Variants in UBAC2 observed in about 807,000 individuals in gnomAD.
UBAC2 encodes ubiquitin-associated domain-containing protein 2.
UBAC2 carries 26 observed loss-of-function variants against 44.0 expected under a neutral mutation model. The observed-to-expected ratio is 0.59, with a 90% CI of 0.43 to 0.82. The LOEUF (loss-of-function observed/expected upper bound fraction) is 0.82, where lower values mean the gene tolerates loss of function less well. Ranked by LOEUF, UBAC2 falls within the 40% of genes least tolerant of loss-of-function variation. The pLI, the probability that UBAC2 is intolerant of heterozygous loss-of-function variation, is 0.00. For synonymous variants in UBAC2, 155 were observed against 154.3 expected, an observed-to-expected ratio of 1.00 and a Z score of -0.04; for missense variants, 329 against 419.4, an observed-to-expected ratio of 0.78 and a Z score of 1.88.
intron 8 of UBAC2, 58 bp from the exon 9 acceptor site, chr13:99,385,170 C>T: frequency 1.6e-6 from 2 of 1,288,038 alleles, no homozygotes; most frequent in South Asian, 2.4e-5. Flanking sequence ...ACATTTGGGG[C>T]CCAGGGATAA....
In UBAC2 at chr13:99,385,716, A is replaced by C. The variant is rs969885071; in HGVS notation, c.*381A>C. 1 of 195,126 alleles carries C rather than the reference A, an allele frequency of 5.1e-6. No individual in the cohort carries two copies. Among genetic ancestry groups the C allele is most frequent in the Admixed American group, 5.3e-5 (1 of 19,004 alleles). The allele number at this position is 195,126 out of a possible 1,614,324, so 12.1% of individuals were successfully genotyped here. A position where few individuals can be genotyped will look rare whatever the true frequency, so the allele number is the denominator to read the frequency against. On this transcript the variant is annotated 3_prime_UTR_variant, in exon 9 of 9. Coordinates refer to ENST00000403766, the MANE Select transcript of UBAC2 (RefSeq NM_001144072.2). Reference sequence around the variant, plus strand: ...TCATCTCCTGCGTCGTGATGGGGAGAGGGTAATGTTACTTCACAAAGGACA... The same window carrying C: ...TCATCTCCTGCGTCGTGATGGGGAGCGGGTAATGTTACTTCACAAAGGACA...
chr13:99,232,782 G>A (rs992501721), intron 1 of UBAC2, among the ~76,000 whole-genome samples: 8 of 150,048 alleles, frequency 5.3e-5, no homozygotes, highest in Non-Finnish European at 7.4e-5. Flanking sequence ...CAAAAACAAC[G>A]AAAAAAAAAC....
At chr13:99,381,095 A>G (rs1201032798) in intron 8 of UBAC2, among the ~76,000 whole-genome samples, 1 of 152,246 alleles carries the variant, frequency 6.6e-6, no homozygotes, top group African/African-American at 2.4e-5. Flanking sequence ...TGTACATAGA[A>G]AGCTTTCGTT....
In UBAC2 at chr13:99,295,807, G is replaced by A; in HGVS notation, c.390-18290G>A. On this transcript the variant is annotated intron_variant, in intron 4 of 8. Transcript: ENST00000403766. The surrounding 1 kb of genome is among the most constrained non-coding windows in gnomAD (Gnocchi z 4.1). ...TAAAGTTCACACCTGCATATGTGTT[G>A]ATGTAAAACACTAGCGCAGTTATCC... 8 of 1,611,552 alleles carry A rather than the reference G, an allele frequency of 5.0e-6. No homozygotes were observed. Among genetic ancestry groups the A allele is most frequent in the East Asian group, 2.2e-5 (1 of 44,860 alleles).
intron 1 of UBAC2, chr13:99,215,791 G>A: frequency 1.2e-6 from 1 of 850,582 alleles, no homozygotes; most frequent in East Asian, 2.5e-5. Context: ...GCAAGGCAGA[G>A]AAAGGGCTAA....
At chr13:99,229,222 G>A (rs1382573798) in intron 1 of UBAC2, among the ~76,000 whole-genome samples, 1 of 152,186 alleles carries the variant, frequency 6.6e-6, no homozygotes, top group African/African-American at 2.4e-5. Context: ...GCAGAGTGGG[G>A]GAAAAGCCCT....
At chr13:99,332,527 T>C (rs911846390) in intron 6 of UBAC2, among the ~76,000 whole-genome samples, 1 of 152,184 alleles carries the variant, frequency 6.6e-6, no homozygotes, top group African/African-American at 2.4e-5. Flanking sequence ...GGCTGCTCCC[T>C]CTGACCTGGA....
At position 99,358,281 on chromosome 13, in the gene UBAC2, A is replaced by G. The variant is rs1056548401; in HGVS notation, c.808-9506A>G. Among the ~76,000 whole-genome samples, 69 of 152,332 alleles carry G rather than the reference A, an allele frequency of 4.5e-4. 1 individual carries two copies. Among genetic ancestry groups the G allele is most frequent in the South Asian group, 2.1e-4 (1 of 4,828 alleles). ...ATCAAAGGGGAGGATGTCTGTAGTCATCCGAAAAGGCCCTTAATGTACTCT... is the reference window on the plus strand; with the variant it reads ...ATCAAAGGGGAGGATGTCTGTAGTCGTCCGAAAAGGCCCTTAATGTACTCT... On this transcript the variant is annotated intron_variant, in intron 7 of 8. Coordinates refer to ENST00000403766, the MANE Select transcript of UBAC2 (RefSeq NM_001144072.2).
Position 99,363,915 on chromosome 13 carries a change from T to G in UBAC2, c.808-3872T>G, listed in dbSNP as rs763372547. ...AAATCTTGTAGATCTTTTGTTTGAT[T>G]TTATTCTTAACTACCTTATATTTTT... On this transcript the variant is annotated intron_variant, in intron 7 of 8. Coordinates refer to ENST00000403766, the MANE Select transcript of UBAC2 (RefSeq NM_001144072.2). 3.2e-4 allele frequency among the ~76,000 whole-genome samples: 49 copies of G among 152,222 alleles called. 1 individual carries two copies. The highest frequency in any genetic ancestry group is 3.4e-3 in the Middle Eastern group (1 of 294).
intron 4 of UBAC2, among the ~76,000 whole-genome samples, chr13:99,268,315 A>G (rs781336778): frequency 2.0e-5 from 3 of 152,186 alleles, no homozygotes; most frequent in Non-Finnish European, 4.4e-5. Context: ...TAGTCAAAAT[A>G]TGAAACATAG....
At chr13:99,234,962 G>A (rs539135651) in intron 1 of UBAC2, among the ~76,000 whole-genome samples, 2 of 152,326 alleles carry the variant, frequency 1.3e-5, no homozygotes, top group Admixed American at 6.5e-5. Flanking sequence ...AGGGAAGAGA[G>A]AAGACATTTA....
chr13:99,318,602 T>C (rs145019459), intron 6 of UBAC2, among the ~76,000 whole-genome samples: 4,599 of 150,144 alleles, frequency 0.031, 96 homozygotes, highest in Middle Eastern at 0.13. Flanking sequence ...GGGCAGATCA[T>C]GAGGTCAGGA....
chr13:99,319,657 C>G (rs920928223), intron 6 of UBAC2, among the ~76,000 whole-genome samples: 1 of 152,202 alleles, frequency 6.6e-6, no homozygotes, highest in Non-Finnish European at 1.5e-5. Context: ...CCTGATTTGG[C>G]TTCAGGACCA....
At chr13:99,214,156 A>C (rs910797277) in intron 1 of UBAC2, among the ~76,000 whole-genome samples, 1 of 151,468 alleles carries the variant, frequency 6.6e-6, no homozygotes, top group Non-Finnish European at 1.5e-5. Context: ...GTTAGAACTT[A>C]GGTCAGAAAA....
chr13:99,367,628 T>C (rs934773841), intron 7 of UBAC2, among the ~76,000 whole-genome samples, 159 bp from the exon 8 acceptor site: 1 of 152,232 alleles, frequency 6.6e-6, no homozygotes, highest in Non-Finnish European at 1.5e-5. Flanking sequence ...CTGAAGGATG[T>C]TGTGATACTT....
chr13:99,343,792 C>T (rs1416947983), intron 7 of UBAC2, among the ~76,000 whole-genome samples: 6 of 152,214 alleles, frequency 3.9e-5, no homozygotes, highest in South Asian at 2.1e-4. Flanking sequence ...TAAATCACCA[C>T]GTAGAGAACT....
At chr13:99,216,082 TTG>T (rs3031384) in intron 1 of UBAC2, among the ~76,000 whole-genome samples, 3,870 of 148,804 alleles carry the variant, frequency 0.026, 85 homozygotes, top group African/African-American at 0.062. Context: ...CAACCTATAT[TTG>T]TGTGTGTGTG....
chr13:99,284,220 A>C (rs549894211), intron 4 of UBAC2, among the ~76,000 whole-genome samples: 4 of 152,196 alleles, frequency 2.6e-5, no homozygotes, highest in Non-Finnish European at 5.9e-5. Flanking sequence ...ATAAACACAC[A>C]ATGCAAAGAA....
intron 4 of UBAC2, among the ~76,000 whole-genome samples, chr13:99,276,009 C>G (rs1235568210): frequency 6.6e-6 from 1 of 152,170 alleles, no homozygotes; most frequent in Non-Finnish European, 1.5e-5. Context: ...ACTAATAAAC[C>G]TTGACTTGAG....
Sources: allele counts gnomAD v4.1 joint callset (sites outside exome capture counted in the v4.1 genomes callset), GRCh38; gene constraint gnomAD v4.1.1; non-coding constraint Gnocchi (gnomAD v3.1); transcripts MANE v1.5; gene names NCBI Gene and HGNC (gene_info 2026-07-23, HGNC 2026-07-21).